The following TBC1D22A variants were observed in gnomAD, a reference collection of about 807,000 sequenced individuals.
TBC1D22A encodes the protein TBC1 domain family member 22A, also known as putative GTPase activator.
In TBC1D22A, 38 loss-of-function variants were observed where a neutral mutation model predicts 60.2. That is an observed-to-expected ratio of 0.63 (90% CI 0.49 to 0.83). TBC1D22A has a LOEUF of 0.83. TBC1D22A is among the 40% of genes least tolerant of loss of function. TBC1D22A has a pLI of 0.00. For synonymous variants in TBC1D22A, 302 were observed against 281.7 expected (o/e 1.07, Z -0.72); for missense variants, 628 against 701.0 (o/e 0.90, Z 1.18).
chr22:46,805,763 A>T (rs2085099138), intron 4 of TBC1D22A, among the ~76,000 whole-genome samples: 1 of 152,058 alleles, frequency 6.6e-6, no homozygotes, highest in Admixed American at 6.5e-5. Context: ...ATTCACAGAG[A>T]TTGATGTGTG....
chr22:46,836,099 T>A (rs1489290012), intron 4 of TBC1D22A, among the ~76,000 whole-genome samples: 1 of 152,204 alleles, frequency 6.6e-6, no homozygotes, highest in Non-Finnish European at 1.5e-5. Flanking sequence ...AATGAAAGGA[T>A]GTTAATTAGT....
At chr22:47,119,104 A>G (rs2066177702) in intron 12 of TBC1D22A, among the ~76,000 whole-genome samples, 1 of 152,224 alleles carries the variant, frequency 6.6e-6, no homozygotes, top group African/African-American at 2.4e-5. Context: ...AGCCGAGACC[A>G]CACCACTGCA....
chr22:46,913,591 G>T (rs1373630559), intron 8 of TBC1D22A: 1 of 1,160,878 alleles, frequency 8.6e-7, no homozygotes, highest in Non-Finnish European at 1.1e-6. Context: ...ACTCCTGAGG[G>T]TGCTTGCTTT....
chr22:46,837,289 A>G (rs1304612904), intron 4 of TBC1D22A, among the ~76,000 whole-genome samples: 3 of 152,228 alleles, frequency 2.0e-5, no homozygotes, highest in African/African-American at 2.4e-5. Context: ...TAGCAATACA[A>G]TAATAATAAG....
intron 4 of TBC1D22A, among the ~76,000 whole-genome samples, chr22:46,846,731 A>T (rs1013197217): frequency 6.6e-6 from 1 of 151,842 alleles, no homozygotes; most frequent in Admixed American, 6.6e-5. Context: ...GGGTATCAAG[A>T]TATGCCACCA....
chr22:47,153,745 A>G (rs1395738152), intron 12 of TBC1D22A, among the ~76,000 whole-genome samples: 1 of 152,202 alleles, frequency 6.6e-6, no homozygotes, highest in African/African-American at 2.4e-5. Context: ...GCACAGGGCA[A>G]GGTCAGAGAA....
intron 8 of TBC1D22A, among the ~76,000 whole-genome samples, chr22:46,927,368 C>G (rs922560103): frequency 6.6e-6 from 1 of 152,164 alleles, no homozygotes; most frequent in Non-Finnish European, 1.5e-5. Flanking sequence ...ATCATCTCAG[C>G]TGATATGGAG....
At chr22:46,975,425 G>A (rs1049155952) in intron 9 of TBC1D22A, among the ~76,000 whole-genome samples, 3 of 152,162 alleles carry the variant, frequency 2.0e-5, no homozygotes, top group Admixed American at 6.5e-5. Context: ...GGTTTGGGTC[G>A]GTAATCGTTT....
intron 1 of TBC1D22A, among the ~76,000 whole-genome samples, chr22:46,779,589 C>A (rs983876138): frequency 6.6e-6 from 1 of 152,150 alleles, no homozygotes; most frequent in Non-Finnish European, 1.5e-5. Flanking sequence ...CCATTTCCTT[C>A]ATATTTTCTG....
chr22:47,009,145 T>A lies in TBC1D22A; in HGVS notation c.1201+11436T>A, dbSNP rs1411601703. Among the ~76,000 whole-genome samples the A allele has an allele frequency of 6.6e-6, 1 of 152,160 alleles. No homozygotes were observed. Among genetic ancestry groups the A allele is most frequent in the Non-Finnish European group, 1.5e-5 (1 of 68,026 alleles). On this transcript the variant is annotated intron_variant, in intron 10 of 12. Coordinates refer to ENST00000337137, the MANE Select transcript of TBC1D22A (RefSeq NM_014346.5). The surrounding 1 kb of genome is among the most constrained non-coding windows in gnomAD (Gnocchi z 5.8). ...GGAATGTCCCCACTCTAGCCCTTGT[T>A]TCCCCATGCATGACGGGTCATGGGA...
At chr22:47,160,917 A>G (rs1011224759) in intron 12 of TBC1D22A, among the ~76,000 whole-genome samples, 2 of 151,426 alleles carry the variant, frequency 1.3e-5, no homozygotes, top group African/African-American at 4.8e-5. Flanking sequence ...CCTCCTAGCC[A>G]GTCTTCCACC....
intron 7 of TBC1D22A, among the ~76,000 whole-genome samples, chr22:46,905,889 G>A (rs2069428155): frequency 6.6e-6 from 1 of 152,186 alleles, no homozygotes; most frequent in African/African-American, 2.4e-5. Flanking sequence ...TGTAGGTGTT[G>A]GGGATTTTCC....
chr22:47,061,523 C>T (rs767852596), intron 11 of TBC1D22A, among the ~76,000 whole-genome samples: 1 of 152,120 alleles, frequency 6.6e-6, no homozygotes, highest in African/African-American at 2.4e-5. Context: ...AGCGCAGATC[C>T]AAGGGTGGCT....
intron 12 of TBC1D22A, among the ~76,000 whole-genome samples, chr22:47,121,314 A>G (rs1043950223): frequency 6.6e-6 from 1 of 152,212 alleles, no homozygotes; most frequent in Non-Finnish European, 1.5e-5. Context: ...CTGCAGAGCT[A>G]TTAATAATTT....
chr22:47,004,301 A>G (rs1374225464), intron 10 of TBC1D22A, among the ~76,000 whole-genome samples: 1 of 147,432 alleles, frequency 6.8e-6, no homozygotes, highest in African/African-American at 2.5e-5. Context: ...ATCCTCATAC[A>G]TACACAACCC....
At chr22:47,163,964 C>T (rs1027804498) in intron 12 of TBC1D22A, among the ~76,000 whole-genome samples, 3 of 152,210 alleles carry the variant, frequency 2.0e-5, no homozygotes, top group African/African-American at 7.2e-5. Context: ...GGAAGATGGC[C>T]GTACTTCTTT....
At chr22:46,905,249 C>G in intron 7 of TBC1D22A, among the ~76,000 whole-genome samples, 1 of 151,802 alleles carries the variant, frequency 6.6e-6, no homozygotes, top group Non-Finnish European at 1.5e-5. Flanking sequence ...TGAAGTGATT[C>G]AAGACAAAAG....
At chr22:47,055,521 A>T in intron 11 of TBC1D22A, among the ~76,000 whole-genome samples, 1 of 152,206 alleles carries the variant, frequency 6.6e-6, no homozygotes, top group East Asian at 1.9e-4. Context: ...GATATACAGC[A>T]AAGATCGATA....
chr22:47,082,897 T>C (rs1569428212), intron 11 of TBC1D22A, among the ~76,000 whole-genome samples: 1 of 152,214 alleles, frequency 6.6e-6, no homozygotes, highest in Non-Finnish European at 1.5e-5. Flanking sequence ...AAAAAGTACT[T>C]GTACCAGAAT....
Sources: gnomAD v4.1 joint callset for allele counts (sites outside exome capture counted in the v4.1 genomes callset) on GRCh38, gnomAD v4.1.1 for gene constraint, Gnocchi (gnomAD v3.1) non-coding constraint, MANE v1.5 for transcripts, NCBI Gene and HGNC (gene_info 2026-07-23, HGNC 2026-07-21) for gene names.